Variants in AK8 observed in about 807,000 individuals in gnomAD.
AK8 encodes adenylate kinase 8, also known as ATP-AMP transphosphorylase 8.
Under a neutral mutation model 54.6 loss-of-function variants are expected in AK8, and 44 were observed. The observed-to-expected ratio is 0.81, with a 90% CI of 0.63 to 1.04. AK8 has a LOEUF of 1.04. Among genes scored for constraint, AK8 ranks in the 50% least tolerant of loss-of-function variants. AK8 has a pLI of 0.00. For synonymous variants in AK8, 239 were observed against 245.6 expected, an observed-to-expected ratio of 0.97 and a Z score of 0.25; for missense variants, 555 against 613.6, an observed-to-expected ratio of 0.90 and a Z score of 1.01.
At chr9:132,848,595 C>T (rs1411669224) in intron 5 of AK8, among the ~76,000 whole-genome samples, 1 of 152,204 alleles carries the variant, frequency 6.6e-6, no homozygotes, top group East Asian at 1.9e-4. Flanking sequence ...TTGACTCTCC[C>T]GCCCTGGTTT....
intron 5 of AK8, among the ~76,000 whole-genome samples, chr9:132,850,053 C>CAT (rs1842910393): frequency 7.6e-6 from 1 of 131,652 alleles, no homozygotes; most frequent in African/African-American, 2.9e-5. Context: ...AACCCTAGTA[C>CAT]ATTTTTTTTT....
chr9:132,842,853 T>C (rs567090986), intron 5 of AK8, among the ~76,000 whole-genome samples: 22 of 152,344 alleles, frequency 1.4e-4, no homozygotes, highest in African/African-American at 3.8e-4. Context: ...GGTTTCTCGC[T>C]TGCTAGGGGC....
intron 11 of AK8, among the ~76,000 whole-genome samples, chr9:132,760,740 G>A (rs187897107): frequency 1.3e-3 from 202 of 152,236 alleles, no homozygotes; most frequent in African/African-American, 4.6e-3. Flanking sequence ...TCAGGTTAAG[G>A]AAATTCCCTT....
At chr9:132,869,605 G>A (rs1198090413) in intron 2 of AK8, among the ~76,000 whole-genome samples, 4 of 152,368 alleles carry the variant, frequency 2.6e-5, no homozygotes, top group South Asian at 2.1e-4. Flanking sequence ...GGCATTCAGC[G>A]GCCCTTTCTC....
At chr9:132,866,799 G>A in intron 3 of AK8, 105 bp downstream of exon 3, 2 of 1,122,446 alleles carry the variant, frequency 1.8e-6, no homozygotes, top group Non-Finnish European at 2.7e-6. Context: ...AGGAAAAGAA[G>A]AAAAGCTCAG....
rs959918779 is a variant in AK8, at chr9:132,823,269, C to G, written c.825G>C (p.Gly275=). 6.2e-7 allele frequency: 1 copy of G among 1,611,970 alleles called. No homozygotes were observed. The highest frequency in any genetic ancestry group is 1.7e-5 in the Admixed American group (1 of 59,738). Residue 275 remains glycine (G), a synonymous_variant, in exon 9 of 13, where the codon GGG becomes GGC. Coordinates refer to ENST00000298545, the MANE Select transcript of AK8 (RefSeq NM_152572.3). ...APFTPRVLLL[G]PVGSGKSLQA... ...GCAGACTTTTCCCACTGCCCACAGG[C>G]CCGAGCAGCAGCACCCTCGGGGTGA...
intron 11 of AK8, among the ~76,000 whole-genome samples, chr9:132,780,751 A>G (rs1265384285): frequency 2.0e-5 from 3 of 152,218 alleles, no homozygotes; most frequent in Non-Finnish European, 4.4e-5. Context: ...ATGCAGTCCA[A>G]TGAAGAGAGA....
intron 5 of AK8, among the ~76,000 whole-genome samples, chr9:132,834,013 C>A (rs1283442499): frequency 6.6e-6 from 1 of 152,244 alleles, no homozygotes; most frequent in Non-Finnish European, 1.5e-5. Context: ...GCTCGCAGCT[C>A]CGACTGCAGA....
At chr9:132,748,391 C>T (rs1426144557) in intron 11 of AK8, among the ~76,000 whole-genome samples, 1 of 151,098 alleles carries the variant, frequency 6.6e-6, no homozygotes, top group African/African-American at 2.5e-5. Flanking sequence ...AGATGCTGGC[C>T]ACTGAGAAGG....
At chr9:132,855,023 G>A in intron 4 of AK8, 98 bp from the exon 5 acceptor site, 1 of 1,279,894 alleles carries the variant, frequency 7.8e-7, no homozygotes, top group Non-Finnish European at 1.1e-6. Context: ...CCTGGCCTCT[G>A]GAAAGCACCG....
At chr9:132,825,917 C>A (rs529776352) in intron 8 of AK8, among the ~76,000 whole-genome samples, 1 of 152,150 alleles carries the variant, frequency 6.6e-6, no homozygotes, top group Admixed American at 6.5e-5. Flanking sequence ...AATTTTGAGA[C>A]GACTGGATTT....
intron 11 of AK8, 30 bp from the exon 12 acceptor site, chr9:132,727,564 G>A (rs756789721): frequency 3.1e-6 from 5 of 1,590,820 alleles, no homozygotes. Flanking sequence ...ATTAATAATG[G>A]TTTTTATTTC....
Position 132,827,038 on chromosome 9 carries a change from G to A in AK8, c.573C>T (p.Thr191=). 6.2e-7 allele frequency: 1 copy of A among 1,614,228 alleles called. No individual in the cohort carries two copies. The highest frequency in any genetic ancestry group is 8.5e-7 in the Non-Finnish European group (1 of 1,180,036). Residue 191 remains threonine (T), a synonymous_variant, in exon 8 of 13, where the codon ACC becomes ACT. Transcript: ENST00000298545. ...DPQTGEIYHT[T]FDWPPESEIQ... is the part of the protein sequence containing the mutation. Reference sequence around the variant, plus strand: ...TTTCAGATTCGGGTGGCCAGTCAAAGGTGGTGTGATAAATCTCTACAAGGA... The same window carrying A: ...TTTCAGATTCGGGTGGCCAGTCAAAAGTGGTGTGATAAATCTCTACAAGGA...
intron 5 of AK8, among the ~76,000 whole-genome samples, chr9:132,836,158 A>G (rs1842314517): frequency 6.6e-6 from 1 of 152,036 alleles, no homozygotes; most frequent in Non-Finnish European, 1.5e-5. Flanking sequence ...GCATAGTGAC[A>G]TGCACCTGTA....
intron 10 of AK8, among the ~76,000 whole-genome samples, chr9:132,795,664 G>A (rs1012906944): frequency 3.9e-5 from 6 of 152,084 alleles, no homozygotes; most frequent in African/African-American, 1.4e-4. Context: ...GCTGGACATG[G>A]GATACGGTCT....
chr9:132,878,166 G>T lies in AK8; in HGVS notation c.84+6C>A, dbSNP rs762363617. The T allele has an allele frequency of 4.6e-6, 7 of 1,512,152 alleles. No individual in the cohort carries two copies. Among genetic ancestry groups the T allele is most frequent in the Non-Finnish European group, 5.3e-6 (6 of 1,129,640 alleles). 93.7% of individuals were successfully genotyped at this position (1,512,152 alleles called of 1,614,324 possible). ...AGCGTCGCGACGGGCAGGGGTGTCC[G>T]GTCACCTGCATCAACTCGAAGATGT... On this transcript the variant is annotated splice_donor_region_variant and intron_variant, in intron 1 of 12. Transcript: ENST00000298545. This position sits in a 1 kb window ranked among gnomAD's most constrained non-coding sequence, Gnocchi z 4.7.
intron 11 of AK8, among the ~76,000 whole-genome samples, chr9:132,756,248 A>G (rs775213615): frequency 1.3e-5 from 2 of 152,198 alleles, no homozygotes; most frequent in Admixed American, 6.5e-5. Context: ...ATAGAAAAGA[A>G]TTCTCCTCCC....
intron 5 of AK8, among the ~76,000 whole-genome samples, chr9:132,829,816 T>G (rs1842033972): frequency 6.6e-6 from 1 of 151,964 alleles, no homozygotes; most frequent in Non-Finnish European, 1.5e-5. Flanking sequence ...TCAGCCTCCC[T>G]AGTGCTGGGA....
chr9:132,828,863 C>T (rs1588181219), intron 5 of AK8, 137 bp from the exon 6 acceptor site: 1 of 538,864 alleles, frequency 1.9e-6, no homozygotes, highest in Non-Finnish European at 3.2e-6. Flanking sequence ...AGCTACCTCA[C>T]CCTTCTTTAA....
Sources: gnomAD v4.1 joint callset for allele counts (sites outside exome capture counted in the v4.1 genomes callset) on GRCh38, gnomAD v4.1.1 for gene constraint, Gnocchi (gnomAD v3.1) non-coding constraint, MANE v1.5 for transcripts, NCBI Gene and HGNC (gene_info 2026-07-23, HGNC 2026-07-21) for gene names.